Variants in FTO observed in about 807,000 individuals in gnomAD.
The protein encoded by FTO is alpha-ketoglutarate-dependent dioxygenase FTO.
Under a neutral mutation model 63.9 loss-of-function variants are expected in FTO, and 47 were observed. That is an observed-to-expected ratio of 0.74 (90% CI 0.58 to 0.94). FTO has a LOEUF of 0.94. Ranked by LOEUF, FTO falls within the 40% of genes least tolerant of loss-of-function variation. The probability of loss-of-function intolerance (pLI) is 0.00; values close to 1 mark genes in which losing one functional copy is unlikely to be tolerated. For synonymous variants in FTO, 207 were observed against 224.4 expected (o/e 0.92, Z 0.69); for missense variants, 562 against 618.1 (o/e 0.91, Z 0.96).
chr16:54,072,266 G>A (rs2085889192), intron 8 of FTO: 1 of 152,154 alleles, frequency 6.6e-6, no homozygotes, highest in South Asian at 2.1e-4. Context: ...CTTTCCTATT[G>A]ATTCATTCCA....
chr16:53,902,320 T>G (rs2081424270), intron 7 of FTO, among the ~76,000 whole-genome samples: 2 of 152,142 alleles, frequency 1.3e-5, no homozygotes, highest in Non-Finnish European at 2.9e-5. Context: ...CTTCTCTTCC[T>G]TTTTGGAAAG....
At chr16:53,894,359 T>C (rs1325266379) in intron 7 of FTO, among the ~76,000 whole-genome samples, 1 of 152,096 alleles carries the variant, frequency 6.6e-6, no homozygotes, top group Non-Finnish European at 1.5e-5. Flanking sequence ...AGCCGAGCAG[T>C]AGTTTGTTTA....
chr16:53,832,531 T>TA (rs1459590006), intron 3 of FTO, among the ~76,000 whole-genome samples: 7 of 152,182 alleles, frequency 4.6e-5, no homozygotes, highest in Non-Finnish European at 7.4e-5. Flanking sequence ...GAGCTGGAAT[T>TA]ACAGGTGTGA....
intron 8 of FTO, among the ~76,000 whole-genome samples, chr16:54,074,517 A>G (rs556731704): frequency 1.3e-5 from 2 of 152,296 alleles, no homozygotes; most frequent in East Asian, 3.9e-4. Flanking sequence ...CACTTACTAT[A>G]TCATAAGCAG....
Position 53,784,403 on chromosome 16 carries a change from G to A in FTO, c.46-25737G>A, listed in dbSNP as rs552483252. ...TCAGCATATAAATTGAGTATGTATG[G>A]TTATATGGTGACTTTCAAAAGTAAA... On this transcript the variant is annotated intron_variant, in intron 1 of 8. Transcript: ENST00000471389. Among the ~76,000 whole-genome samples, 82 of 152,258 alleles carry A rather than the reference G, an allele frequency of 5.4e-4. No homozygotes were observed. In the South Asian group the frequency reaches 0.01, roughly 19 times the overall value.
intron 7 of FTO, among the ~76,000 whole-genome samples, chr16:53,899,958 A>C (rs1307157777): frequency 2.0e-5 from 3 of 152,222 alleles, no homozygotes; most frequent in East Asian, 1.9e-4. Context: ...GCCTTATAAA[A>C]GATTTTGATG....
At chr16:54,056,017 G>A (rs189125625) in intron 8 of FTO, among the ~76,000 whole-genome samples, 13 of 152,212 alleles carry the variant, frequency 8.5e-5, no homozygotes, top group Non-Finnish European at 1.5e-4. Flanking sequence ...TTCTTTCCTA[G>A]TACCTATAAA....
Position 53,937,494 on chromosome 16 carries a change from G to A in FTO, c.1364+3385G>A, listed in dbSNP as rs1323359035. 10 of 381,754 alleles carry A rather than the reference G, an allele frequency of 2.6e-5. No homozygotes were observed. In the Admixed American group the frequency reaches 2.7e-4, roughly 10 times the overall value. 23.6% of individuals were successfully genotyped at this position (381,754 alleles called of 1,614,324 possible). On this transcript the variant is annotated intron_variant, in intron 8 of 8. Coordinates refer to ENST00000471389, the MANE Select transcript of FTO (RefSeq NM_001080432.3). ...GTTCTTAGGGTCTACTGTAGGAAAA[G>A]GCAGAAAAAGAGCAGCTGCAAGGAC... is the stretch of plus-strand genomic sequence containing the variant.
chr16:53,997,399 G>T (rs531776223), intron 8 of FTO, among the ~76,000 whole-genome samples: 26 of 152,186 alleles, frequency 1.7e-4, no homozygotes, highest in Admixed American at 1.0e-3. Context: ...CAGCCAAACC[G>T]TATCAGGTGT....
intron 8 of FTO, among the ~76,000 whole-genome samples, chr16:54,050,930 A>G (rs2085297095): frequency 6.6e-6 from 1 of 152,224 alleles, no homozygotes; most frequent in South Asian, 2.1e-4. Flanking sequence ...GCCAGAACAG[A>G]CAGTATGAAA....
chr16:53,917,049 A>G (rs1308366460), intron 7 of FTO, among the ~76,000 whole-genome samples: 1 of 152,176 alleles, frequency 6.6e-6, no homozygotes, highest in Non-Finnish European at 1.5e-5. Context: ...ACTGTCTGTG[A>G]ACCCTAGTCT....
At chr16:53,761,073 C>T (rs1442840847) in intron 1 of FTO, among the ~76,000 whole-genome samples, 1 of 147,562 alleles carries the variant, frequency 6.8e-6, no homozygotes, top group Non-Finnish European at 1.5e-5. Context: ...TTCTTCCTTC[C>T]TCGGTTCCTT....
chr16:53,743,789 AT>A (rs545571357), intron 1 of FTO, among the ~76,000 whole-genome samples: 5 of 151,636 alleles, frequency 3.3e-5, no homozygotes, highest in Admixed American at 1.3e-4. Context: ...CCTAGTTACC[AT>A]TTTTTTCCCC....
intron 8 of FTO, among the ~76,000 whole-genome samples, chr16:53,954,417 CT>C (rs2082872756): frequency 6.6e-6 from 1 of 151,990 alleles, no homozygotes; most frequent in Admixed American, 6.6e-5. Context: ...ACAATGTTAC[CT>C]TGTCATTTAA....
At chr16:53,708,651 G>A (rs1057469259) in intron 1 of FTO, among the ~76,000 whole-genome samples, 5 of 152,112 alleles carry the variant, frequency 3.3e-5, no homozygotes, top group African/African-American at 1.2e-4. Context: ...CCATTTTGAG[G>A]GTTACAATTT....
intron 1 of FTO, among the ~76,000 whole-genome samples, chr16:53,786,859 T>A (rs556699571): frequency 4.5e-4 from 69 of 152,048 alleles, no homozygotes; most frequent in African/African-American, 1.6e-3. Flanking sequence ...CGCCTGTGTT[T>A]CCAGGACTTT....
intron 1 of FTO, among the ~76,000 whole-genome samples, chr16:53,744,701 C>T (rs1202734350): frequency 1.3e-5 from 2 of 152,190 alleles, no homozygotes; most frequent in East Asian, 1.9e-4. Context: ...GAGCCCCTGA[C>T]ACCTGATTGC....
intron 1 of FTO, among the ~76,000 whole-genome samples, chr16:53,744,039 G>C (rs1389476571): frequency 1.3e-5 from 2 of 152,146 alleles, no homozygotes; most frequent in South Asian, 4.1e-4. Context: ...TTCTCCAGTC[G>C]TCTTGTAGAA....
intron 1 of FTO, among the ~76,000 whole-genome samples, chr16:53,785,800 C>T (rs1271525772): frequency 6.6e-6 from 1 of 151,776 alleles, no homozygotes; most frequent in Non-Finnish European, 1.5e-5. Flanking sequence ...GTCCCAGCTA[C>T]TCGGGAGGCT....
Sources: allele counts gnomAD v4.1 joint callset (sites outside exome capture counted in the v4.1 genomes callset), GRCh38; gene constraint gnomAD v4.1.1; transcripts MANE v1.5; gene names NCBI Gene and HGNC (gene_info 2026-07-23, HGNC 2026-07-21).